Variants in UTS2 observed in about 807,000 individuals in gnomAD.
UTS2 encodes the protein urotensin-2.
A neutral mutation model predicts 12.6 loss-of-function variants in UTS2; 10 were observed. That is an observed-to-expected ratio of 0.80 (90% CI 0.49 to 1.35). UTS2 has a LOEUF of 1.35. Among genes scored for constraint, UTS2 ranks in the 40% most tolerant of loss-of-function variants. UTS2 has a pLI of 0.00. For missense variants in UTS2, 142 were observed against 143.2 expected, an observed-to-expected ratio of 0.99 and a Z score of 0.04; for synonymous variants, 52 against 50.0, an observed-to-expected ratio of 1.04 and a Z score of -0.17.
At chr1:7,850,627 C>T (rs573621407) in intron 2 of UTS2, among the ~76,000 whole-genome samples, 185 bp downstream of exon 2, 3 of 152,224 alleles carry the variant, frequency 2.0e-5, no homozygotes, top group African/African-American at 7.2e-5. Flanking sequence ...GAGCACAGTG[C>T]GAGCAAGGAG....
chr1:7,902,056 G>A, the UTS2 span, among the ~76,000 whole-genome samples: 4 of 152,286 alleles, frequency 2.6e-5, no homozygotes, highest in East Asian at 3.9e-4. Context: ...TGGACTCAGC[G>A]CTGGTAACAC....
chr1:7,868,719 C>T, the UTS2 span, among the ~76,000 whole-genome samples: 1 of 152,240 alleles, frequency 6.6e-6, no homozygotes, highest in South Asian at 2.1e-4. Context: ...TCCCAGGGCT[C>T]TGTGCATTCT....
At chr1:7,863,689 A>C in the UTS2 span, among the ~76,000 whole-genome samples, 1 of 152,146 alleles carries the variant, frequency 6.6e-6, no homozygotes, top group South Asian at 2.1e-4. Context: ...ATTTAGTTTT[A>C]TCTGATTTTT....
chr1:7,899,084 G>A, the UTS2 span, among the ~76,000 whole-genome samples: 1 of 152,298 alleles, frequency 6.6e-6, no homozygotes, highest in South Asian at 2.1e-4. Context: ...GAGGAAGAGA[G>A]AGAGGAGGGA....
the UTS2 span, among the ~76,000 whole-genome samples, chr1:7,860,023 T>C: frequency 6.8e-6 from 1 of 146,956 alleles, no homozygotes; most frequent in African/African-American, 2.4e-5. Context: ...CATATATATA[T>C]AGCAATGAGG....
At chr1:7,869,017 T>C in the UTS2 span, among the ~76,000 whole-genome samples, 2 of 152,224 alleles carry the variant, frequency 1.3e-5, no homozygotes, top group Non-Finnish European at 2.9e-5. Flanking sequence ...GAGAAATGAA[T>C]GTCTGTTGTT....
At chr1:7,872,178 A>G in the UTS2 span, among the ~76,000 whole-genome samples, 3 of 151,602 alleles carry the variant, frequency 2.0e-5, no homozygotes, top group South Asian at 2.1e-4. Context: ...GCACGCGCCT[A>G]TAGTCCCAGT....
At chr1:7,894,836 G>A in the UTS2 span, among the ~76,000 whole-genome samples, 160 of 151,918 alleles carry the variant, frequency 1.1e-3, no homozygotes, top group African/African-American at 3.5e-3. Flanking sequence ...AAAATTAGCC[G>A]GGAGTGGTGG....
At chr1:7,878,937 A>G in the UTS2 span, among the ~76,000 whole-genome samples, 1 of 152,242 alleles carries the variant, frequency 6.6e-6, no homozygotes, top group Admixed American at 6.5e-5. Flanking sequence ...ATATAATGAT[A>G]AAGGGATCAA....
chr1:7,862,990 G>GTA, the UTS2 span, among the ~76,000 whole-genome samples: 3 of 41,386 alleles, frequency 7.2e-5, no homozygotes, highest in East Asian at 7.0e-4. Flanking sequence ...ATTGTGTTGT[G>GTA]TTGTATTGTA....
chr1:7,885,908 T>TGG, the UTS2 span, among the ~76,000 whole-genome samples: 3,738 of 13,818 alleles, frequency 0.27, 183 homozygotes, highest in Middle Eastern at 0.42. Flanking sequence ...GGGGGTGGGG[T>TGG]GGGGGGGGGC....
the UTS2 span, among the ~76,000 whole-genome samples, chr1:7,861,239 G>A: frequency 6.6e-6 from 1 of 152,128 alleles, no homozygotes; most frequent in South Asian, 2.1e-4. Flanking sequence ...AACGAGTTTG[G>A]AATAGGTTGG....
At chr1:7,861,998 C>T in the UTS2 span, among the ~76,000 whole-genome samples, 10 of 151,660 alleles carry the variant, frequency 6.6e-5, no homozygotes, top group Admixed American at 1.3e-4. Context: ...CTGCAACCTC[C>T]GTGCCCCTGG....
At chr1:7,871,433 C>T in the UTS2 span, among the ~76,000 whole-genome samples, 1 of 152,212 alleles carries the variant, frequency 6.6e-6, no homozygotes, top group African/African-American at 2.4e-5. Context: ...GCTGGCTTCA[C>T]TCCACAGCCC....
At chr1:7,904,490 C>CA in the UTS2 span, among the ~76,000 whole-genome samples, 1 of 149,360 alleles carries the variant, frequency 6.7e-6, no homozygotes, top group African/African-American at 2.5e-5. Flanking sequence ...AAAAAAAAAA[C>CA]AACAAAAAAA....
intron 3 of UTS2, among the ~76,000 whole-genome samples, chr1:7,849,403 G>C (rs1412502194): frequency 6.6e-6 from 1 of 151,968 alleles, no homozygotes; most frequent in South Asian, 2.1e-4. Context: ...TAGAGACAGG[G>C]TTTCACCATG....
At chr1:7,903,875 A>G in the UTS2 span, among the ~76,000 whole-genome samples, 1 of 152,166 alleles carries the variant, frequency 6.6e-6, no homozygotes, top group African/African-American at 2.4e-5. Context: ...CTTTCCCATG[A>G]AAATAAACTG....
upstream of UTS2, chr1:7,853,368 A>G: frequency 1.2e-6 from 2 of 1,614,170 alleles, no homozygotes; most frequent in Non-Finnish European, 1.7e-6. Context: ...AAGCAAAGAG[A>G]CGTGGATTTA....
chr1:7,901,146 C>A, the UTS2 span, among the ~76,000 whole-genome samples: 1 of 152,012 alleles, frequency 6.6e-6, no homozygotes, highest in Admixed American at 6.6e-5. Context: ...GGCAAAAACC[C>A]GTTCATAGTA....
Sources: allele counts gnomAD v4.1 joint callset (sites outside exome capture counted in the v4.1 genomes callset), GRCh38; gene constraint gnomAD v4.1.1; transcripts MANE v1.5; gene names NCBI Gene and HGNC (gene_info 2026-07-23, HGNC 2026-07-21).